The following DIP2C variants were observed in gnomAD, a reference collection of about 807,000 sequenced individuals.
The protein encoded by DIP2C is DIP2 acetate--CoA ligase C (putative).
In DIP2C, 33 loss-of-function variants were observed where a neutral mutation model predicts 192.4. The ratio of observed to expected loss-of-function variants is 0.17; its 90% CI spans 0.13 to 0.23. The LOEUF (loss-of-function observed/expected upper bound fraction) is 0.23. Ranked by LOEUF, DIP2C falls within the 10% of genes least tolerant of loss-of-function variation. The pLI, the probability that DIP2C is intolerant of heterozygous loss-of-function variation, is 1.00. For missense variants in DIP2C, 1,537 were observed against 2,110.1 expected, an observed-to-expected ratio of 0.73 and a Z score of 5.32; for synonymous variants, 979 against 864.1, an observed-to-expected ratio of 1.13 and a Z score of -2.33.
chr10:571,907 A>G (rs1849837886), intron 1 of DIP2C, among the ~76,000 whole-genome samples: 2 of 152,236 alleles, frequency 1.3e-5, no homozygotes, highest in African/African-American at 4.8e-5. Context: ...TCAGCTTCCA[A>G]AAACTGTCCA....
chr10:376,955 T>C (rs889884393), intron 17 of DIP2C, among the ~76,000 whole-genome samples: 2 of 152,222 alleles, frequency 1.3e-5, no homozygotes, highest in East Asian at 3.8e-4. Context: ...GATTGCGATT[T>C]TTAATAGGAA....
At chr10:620,833 T>C (rs1853806454) in intron 1 of DIP2C, among the ~76,000 whole-genome samples, 1 of 152,230 alleles carries the variant, frequency 6.6e-6, no homozygotes, top group Non-Finnish European at 1.5e-5. Context: ...TATTTCAACG[T>C]TTAGTGGTAA....
At chr10:414,164 G>A (rs1376415823) in intron 7 of DIP2C, 54 bp from the exon 8 acceptor site, 2 of 1,538,752 alleles carry the variant, frequency 1.3e-6, no homozygotes, top group African/African-American at 2.8e-5. Flanking sequence ...CATTAGCATG[G>A]CTACTTTTTA....
At chr10:310,596 T>C (rs1475187436) in intron 31 of DIP2C, among the ~76,000 whole-genome samples, 1 of 152,202 alleles carries the variant, frequency 6.6e-6, no homozygotes, top group Non-Finnish European at 1.5e-5. Context: ...GCTCTGGCTC[T>C]CTGGCCTGAG....
At chr10:574,435 G>A (rs1443382154) in intron 1 of DIP2C, among the ~76,000 whole-genome samples, 1 of 152,212 alleles carries the variant, frequency 6.6e-6, no homozygotes, top group African/African-American at 2.4e-5. Context: ...CGATGAAGCA[G>A]AAGACAATTC....
At chr10:341,684 A>T (rs2132562696) in intron 28 of DIP2C, among the ~76,000 whole-genome samples, 1 of 152,348 alleles carries the variant, frequency 6.6e-6, no homozygotes, top group Middle Eastern at 3.4e-3. Context: ...GTGGGGCCTG[A>T]CACCCAAAGA....
chr10:407,303 C>T (rs559603499), intron 9 of DIP2C, among the ~76,000 whole-genome samples: 1 of 152,322 alleles, frequency 6.6e-6, no homozygotes, highest in South Asian at 2.1e-4. Flanking sequence ...TGTGTCAGAA[C>T]TTCCTCCCTT....
intron 1 of DIP2C, among the ~76,000 whole-genome samples, chr10:653,883 A>G (rs1030930059): frequency 5.9e-5 from 9 of 152,252 alleles, no homozygotes; most frequent in African/African-American, 1.2e-4. Context: ...CACTCAGAAG[A>G]GACGCACCAA....
intron 1 of DIP2C, among the ~76,000 whole-genome samples, chr10:577,073 C>T (rs1465585480): frequency 6.6e-6 from 1 of 152,194 alleles, no homozygotes; most frequent in African/African-American, 2.4e-5. Flanking sequence ...AGCATGTTTA[C>T]ATTTGAACAC....
chr10:640,049 G>A (rs182934729), intron 1 of DIP2C, among the ~76,000 whole-genome samples: 38 of 151,250 alleles, frequency 2.5e-4, no homozygotes, highest in African/African-American at 9.0e-4. Flanking sequence ...CACCCGCCAC[G>A]CATGTGGGCC....
At chr10:525,246 A>C (rs907848536) in intron 1 of DIP2C, among the ~76,000 whole-genome samples, 2 of 152,196 alleles carry the variant, frequency 1.3e-5, no homozygotes, top group African/African-American at 4.8e-5. Flanking sequence ...CTAACGCCTC[A>C]AACCGAGATA....
chr10:345,388 T>C (rs1958390589), intron 26 of DIP2C, among the ~76,000 whole-genome samples: 1 of 151,934 alleles, frequency 6.6e-6, no homozygotes, highest in Admixed American at 6.6e-5. Context: ...AGCTCACTGC[T>C]CACACCATTA....
At chr10:380,458 G>A (rs1962267407) in intron 17 of DIP2C, among the ~76,000 whole-genome samples, 1 of 152,148 alleles carries the variant, frequency 6.6e-6, no homozygotes, top group African/African-American at 2.4e-5. Flanking sequence ...CCTGGATGAT[G>A]GTTAACAGGC....
At chr10:428,234 A>T (rs954984326) in intron 4 of DIP2C, among the ~76,000 whole-genome samples, 3 of 152,178 alleles carry the variant, frequency 2.0e-5, no homozygotes, top group African/African-American at 7.2e-5. Context: ...TATATTCCAG[A>T]AAATTTGATT....
chr10:370,630 A>G (rs757126425), intron 17 of DIP2C, among the ~76,000 whole-genome samples: 11 of 152,254 alleles, frequency 7.2e-5, no homozygotes, highest in Non-Finnish European at 1.5e-4. Flanking sequence ...TTGCGAACAA[A>G]TAAGTTAAAA....
At chr10:603,756 CCA>C (rs1463261852) in intron 1 of DIP2C, among the ~76,000 whole-genome samples, 2 of 152,206 alleles carry the variant, frequency 1.3e-5, no homozygotes, top group South Asian at 2.1e-4. Flanking sequence ...CAACAAATTA[CCA>C]CACACGCAGA....
At chr10:437,361 CCTGAGCT>C (rs963647768) in intron 4 of DIP2C, among the ~76,000 whole-genome samples, 18 of 150,240 alleles carry the variant, frequency 1.2e-4, no homozygotes, top group African/African-American at 4.2e-4. Context: ...TCCACCCACA[CCTGAGCT>C]CTGAGCTCCG....
chr10:511,800 G>A (rs1408050780), intron 1 of DIP2C, among the ~76,000 whole-genome samples: 2 of 152,210 alleles, frequency 1.3e-5, no homozygotes, highest in South Asian at 2.1e-4. Flanking sequence ...ATCCTGAAAT[G>A]CAATACATAT....
In DIP2C at chr10:357,957, T is replaced by A. The variant is rs568426676; in HGVS notation, c.2795-20A>T. 2 of 1,582,444 alleles carry A rather than the reference T, an allele frequency of 1.3e-6. No homozygotes were observed. Among genetic ancestry groups the A allele is most frequent in the Admixed American group, 3.4e-5 (2 of 59,656 alleles). ...CGATTTCTAGAAAGAAACAGAGACA[T>A]GGCCATGAGGAAACAAAAGAGAAAT... On this transcript the variant is annotated intron_variant, in intron 22 of 36. Coordinates refer to ENST00000280886, the MANE Select transcript of DIP2C (RefSeq NM_014974.3).
Sources: allele counts gnomAD v4.1 joint callset (sites outside exome capture counted in the v4.1 genomes callset), GRCh38; gene constraint gnomAD v4.1.1; transcripts MANE v1.5; gene names NCBI Gene and HGNC (gene_info 2026-07-23, HGNC 2026-07-21).